DSCAM: variants seen among roughly 807,000 people sequenced by gnomAD.
DSCAM encodes the protein DS cell adhesion molecule, also known as cell adhesion molecule DSCAM.
In DSCAM, 47 loss-of-function variants were observed where a neutral mutation model predicts 217.7. That is an observed-to-expected ratio of 0.22 (90% CI 0.17 to 0.28). The LOEUF is 0.28. DSCAM is among the 10% of genes least tolerant of loss of function. The pLI is 1.00. For missense variants in DSCAM, 2,080 were observed against 2,618.3 expected, an observed-to-expected ratio of 0.79 and a Z score of 4.49; for synonymous variants, 1,056 against 1,015.3, an observed-to-expected ratio of 1.04 and a Z score of -0.76.
intron 3 of DSCAM, among the ~76,000 whole-genome samples, chr21:40,587,790 C>T: frequency 6.6e-6 from 1 of 152,014 alleles, no homozygotes; most frequent in East Asian, 1.9e-4. Flanking sequence ...AGTTAAACAT[C>T]AATTTGCATT....
At chr21:40,340,533 T>C (rs1028641938) in intron 6 of DSCAM, among the ~76,000 whole-genome samples, 2 of 152,206 alleles carry the variant, frequency 1.3e-5, no homozygotes, top group African/African-American at 2.4e-5. Context: ...ACATTTTTTC[T>C]AGGCATAAGT....
chr21:40,368,069 C>G (rs1409750206), intron 4 of DSCAM, among the ~76,000 whole-genome samples: 1 of 152,124 alleles, frequency 6.6e-6, no homozygotes, highest in African/African-American at 2.4e-5. Flanking sequence ...GAAAGACGGG[C>G]TCTTAGATCA....
chr21:40,132,696 G>A (rs1288110629), intron 19 of DSCAM, among the ~76,000 whole-genome samples: 1 of 152,228 alleles, frequency 6.6e-6, no homozygotes, highest in African/African-American at 2.4e-5. Flanking sequence ...GGCTTGCCAA[G>A]GTGAGAGCAG....
chr21:40,765,493 A>G (rs2091379139), intron 1 of DSCAM, among the ~76,000 whole-genome samples: 1 of 152,134 alleles, frequency 6.6e-6, no homozygotes, highest in African/African-American at 2.4e-5. Context: ...ACAGTGTGCA[A>G]GTGATATTTC....
At chr21:40,124,450 T>A (rs1172482655) in intron 19 of DSCAM, 122 bp from the exon 20 acceptor site, 2 of 1,253,742 alleles carry the variant, frequency 1.6e-6, no homozygotes, top group Non-Finnish European at 1.1e-6. Context: ...GCGTTATGGG[T>A]TCCGCTGTGT....
chr21:40,132,488 T>G (rs1210124827), intron 19 of DSCAM, among the ~76,000 whole-genome samples: 1 of 152,236 alleles, frequency 6.6e-6, no homozygotes, highest in Non-Finnish European at 1.5e-5. Context: ...TTAGATTCCC[T>G]AAATAATCCA....
At chr21:40,845,868 T>C (rs2092141071) in intron 1 of DSCAM, among the ~76,000 whole-genome samples, 1 of 152,206 alleles carries the variant, frequency 6.6e-6, no homozygotes, top group African/African-American at 2.4e-5. Context: ...TAATTGGGTC[T>C]GACTCAGTCA....
intron 3 of DSCAM, among the ~76,000 whole-genome samples, chr21:40,671,067 A>G (rs2090267859): frequency 6.6e-6 from 1 of 152,218 alleles, no homozygotes; most frequent in South Asian, 2.1e-4. Context: ...GCCTGAGACA[A>G]GCTTAACGAG....
chr21:40,741,363 T>C (rs778912413), intron 1 of DSCAM, among the ~76,000 whole-genome samples: 2 of 152,176 alleles, frequency 1.3e-5, no homozygotes, highest in African/African-American at 2.4e-5. Context: ...TAATAAAACA[T>C]GTGAATGCAC....
At chr21:40,167,318 T>G (rs768438256) in intron 15 of DSCAM, 30 bp from the exon 16 acceptor site, 2 of 1,608,182 alleles carry the variant, frequency 1.2e-6, no homozygotes. Context: ...ACAGGCAGGT[T>G]AGAGACGCTT....
At chr21:40,712,809 C>G (rs62223030) in intron 1 of DSCAM, among the ~76,000 whole-genome samples, 12 of 149,046 alleles carry the variant, frequency 8.1e-5, no homozygotes, top group East Asian at 4.0e-4. Context: ...GAAGTTGAGA[C>G]AGAGAGAGAG....
At chr21:40,014,349 C>T (rs1030465425) in intron 32 of DSCAM, among the ~76,000 whole-genome samples, 1 of 152,186 alleles carries the variant, frequency 6.6e-6, no homozygotes, top group Non-Finnish European at 1.5e-5. Flanking sequence ...GAGATTATGC[C>T]ACTGCACTCC....
At chr21:40,314,710 A>C (rs2074177543) in intron 8 of DSCAM, among the ~76,000 whole-genome samples, 1 of 152,208 alleles carries the variant, frequency 6.6e-6, no homozygotes, top group Non-Finnish European at 1.5e-5. Context: ...TACTCAGACA[A>C]ACCTTGGCTT....
At chr21:40,323,978 C>T (rs1358263699) in intron 8 of DSCAM, among the ~76,000 whole-genome samples, 1 of 151,446 alleles carries the variant, frequency 6.6e-6, no homozygotes, top group Non-Finnish European at 1.5e-5. Context: ...GTGGCTCACC[C>T]CTGTAATCCC....
chr21:40,077,399 T>G (rs543818772), intron 26 of DSCAM, among the ~76,000 whole-genome samples: 1 of 152,242 alleles, frequency 6.6e-6, no homozygotes, highest in African/African-American at 2.4e-5. Context: ...CATCCGGACA[T>G]TATAGGAGAA....
At chr21:40,526,849 T>C (rs1323721174) in intron 3 of DSCAM, among the ~76,000 whole-genome samples, 2 of 152,130 alleles carry the variant, frequency 1.3e-5, no homozygotes, top group Non-Finnish European at 2.9e-5. Context: ...GATTTGATCC[T>C]GAGTCACTTT....
chr21:40,144,475 C>T lies in DSCAM; in HGVS notation c.3259+16G>A. 1 of 1,612,644 alleles carries T rather than the reference C, an allele frequency of 6.2e-7. No individual in the cohort carries two copies. Among genetic ancestry groups the T allele is most frequent in the Non-Finnish European group, 8.5e-7 (1 of 1,179,070 alleles). ...TGCGGAGGGAAAAGCCACGACCAGGCCCCGGCCGAACCTACCATCCTCGAG... is the reference window on the plus strand; with the variant it reads ...TGCGGAGGGAAAAGCCACGACCAGGTCCCGGCCGAACCTACCATCCTCGAG... On this transcript the variant is annotated intron_variant, in intron 17 of 32. Transcript: ENST00000400454. The surrounding 1 kb of genome is among the most constrained non-coding windows in gnomAD (Gnocchi z 4.8).
intron 3 of DSCAM, among the ~76,000 whole-genome samples, chr21:40,648,692 T>C (rs1024554149): frequency 6.6e-6 from 1 of 152,122 alleles, no homozygotes; most frequent in African/African-American, 2.4e-5. Flanking sequence ...TGCACACTCA[T>C]AAACCAATCA....
chr21:40,505,812 C>T (rs901909098), intron 3 of DSCAM, among the ~76,000 whole-genome samples: 4 of 152,084 alleles, frequency 2.6e-5, no homozygotes, highest in Non-Finnish European at 4.4e-5. Context: ...ATTTAAAATC[C>T]CACTACACTC....
Sources: gnomAD v4.1 joint callset for allele counts (sites outside exome capture counted in the v4.1 genomes callset) on GRCh38, gnomAD v4.1.1 for gene constraint, Gnocchi (gnomAD v3.1) non-coding constraint, MANE v1.5 for transcripts, NCBI Gene and HGNC (gene_info 2026-07-23, HGNC 2026-07-21) for gene names.